Variants in CHMP4A observed in about 807,000 individuals in gnomAD.
CHMP4A encodes the protein SNF7 homolog associated with Alix-2.
In CHMP4A, 29 loss-of-function variants were observed where a neutral mutation model predicts 28.2. The observed-to-expected ratio is 1.03, with a 90% CI of 0.77 to 1.40. CHMP4A has a LOEUF of 1.40. Ranked by LOEUF, CHMP4A falls within the 40% of genes most tolerant of loss-of-function variation. The pLI is 0.00. For missense variants in CHMP4A, 241 were observed against 263.5 expected, an observed-to-expected ratio of 0.91 and a Z score of 0.59; for synonymous variants, 88 against 99.3, an observed-to-expected ratio of 0.89 and a Z score of 0.67.
chr14:24,210,852 C>A (rs1594469582), intron 3 of CHMP4A, 84 bp from the exon 4 acceptor site: 4 of 960,004 alleles, frequency 4.2e-6, no homozygotes, highest in Non-Finnish European at 6.8e-6. Flanking sequence ...CCCCTCCTGC[C>A]TTGCAGGGTC....
intron 5 of CHMP4A, 124 bp downstream of exon 5, chr14:24,210,224 T>G (rs2039579388): frequency 7.5e-7 from 1 of 1,342,014 alleles, no homozygotes; most frequent in East Asian, 2.3e-5. Flanking sequence ...GTCAACAACC[T>G]GCACAACTGC....
chr14:24,211,004 CA>C (rs2039586670), intron 3 of CHMP4A: 1 of 508,928 alleles, frequency 2.0e-6, no homozygotes, highest in Admixed American at 3.2e-5. Flanking sequence ...GCCAAAATGG[CA>C]AAACTCCATC....
At chr14:24,210,219 C>A (rs2039579359) in intron 5 of CHMP4A, 129 bp downstream of exon 5, 13 of 1,293,824 alleles carry the variant, frequency 1.0e-5, no homozygotes, top group Non-Finnish European at 1.4e-5. Context: ...ATGCAGTCAA[C>A]AACCTGCACA....
chr14:24,209,733 G>GT lies in CHMP4A; in HGVS notation c.*143dup. 1 of 755,764 alleles carries GT rather than the reference G, an allele frequency of 1.3e-6. No individual in the cohort carries two copies. Among genetic ancestry groups the GT allele is most frequent in the Non-Finnish European group, 2.3e-6 (1 of 429,814 alleles). The allele number at this position is 755,764 out of a possible 1,614,324, so 46.8% of individuals were successfully genotyped here. A position where few individuals can be genotyped will look rare whatever the true frequency, so the allele number is the denominator to read the frequency against. On this transcript the variant is annotated 3_prime_UTR_variant, in exon 6 of 6. Coordinates refer to ENST00000347519, the MANE Select transcript of CHMP4A (RefSeq NM_014169.5). ...TCAGAGTTGAGCCAGGGCTGGGAGGGTAAGAGACCCTTTTTTCAGGCAGGG... is the reference window on the plus strand; with the variant it reads ...TCAGAGTTGAGCCAGGGCTGGGAGGGTTAAGAGACCCTTTTTTCAGGCAGGG...
In CHMP4A at chr14:24,210,487, G is replaced by A. The variant is rs372219627; in HGVS notation, c.475-4C>T. On this transcript the variant is annotated splice_region_variant and splice_polypyrimidine_tract_variant and intron_variant, in intron 4 of 5. Transcript: ENST00000347519. ...CTAGCTCCTCCAGCAGTTCATCCTG[G>A]ATAGGGAAGACAAGACCACTTTAGA... The A allele has an allele frequency of 1.5e-5, 24 of 1,613,096 alleles. No homozygotes were observed. The highest frequency in any genetic ancestry group is 2.2e-5 in the East Asian group (1 of 44,870).
chr14:24,210,036 G>C (rs1023516773), intron 5 of CHMP4A, 101 bp from the exon 6 acceptor site: 7 of 1,152,344 alleles, frequency 6.1e-6, no homozygotes, highest in Admixed American at 3.4e-5. Flanking sequence ...GCTGAATTCT[G>C]TCTCCCCAGC....
chr14:24,210,339 C>T lies in CHMP4A; in HGVS notation c.610+9G>A, dbSNP rs1339013730. ...TAAGTCCTCAAGACAACAGAACAACCCTGCATACCTGGCCCTGCCGGCAGA... is the reference window on the plus strand; with the variant it reads ...TAAGTCCTCAAGACAACAGAACAACTCTGCATACCTGGCCCTGCCGGCAGA... On this transcript the variant is annotated intron_variant, in intron 5 of 5. Coordinates refer to ENST00000347519, the MANE Select transcript of CHMP4A (RefSeq NM_014169.5). The T allele has an allele frequency of 3.1e-6, 5 of 1,613,286 alleles. No individual in the cohort carries two copies. In the South Asian group the frequency reaches 4.4e-5, roughly 14 times the overall value.
chr14:24,211,712 G>C lies in CHMP4A; in HGVS notation c.149C>G (p.Thr50Arg). 1 of 1,614,186 alleles carries C rather than the reference G, an allele frequency of 6.2e-7. No individual in the cohort carries two copies. Among genetic ancestry groups the C allele is most frequent in the Non-Finnish European group, 8.5e-7 (1 of 1,180,034 alleles). Residue 50 changes from threonine (T) to arginine (R), a missense_variant, in exon 2 of 6, where the codon ACA (threonine) becomes AGA (arginine). Transcript: ENST00000347519. Reference protein sequence around the residue: ...LEQKIQQELQTAKKYGTKNKR... With the variant: ...LEQKIQQELQRAKKYGTKNKR... ...ATTCTTGGTCCCATACTTCTTGGCT[G>C]TTTGTAGCTCCTGTTGAATCTTCTG...
At chr14:24,211,646 T>C in intron 2 of CHMP4A, 34 bp downstream of exon 2, 2 of 1,612,008 alleles carry the variant, frequency 1.2e-6, no homozygotes, top group Non-Finnish European at 1.7e-6. Context: ...GCTTCCCATC[T>C]GGGCCCTCCC....
chr14:24,211,113 G>T, intron 3 of CHMP4A: 1 of 398,280 alleles, frequency 2.5e-6, no homozygotes, highest in Non-Finnish European at 4.6e-6. Flanking sequence ...GAACCCAGGA[G>T]GCGGAGGTTG....
Position 24,211,563 on chromosome 14 carries a change from T to G in CHMP4A, c.211A>C (p.Arg71=), listed in dbSNP as rs1371115501. 12 of 1,613,418 alleles carry G rather than the reference T, an allele frequency of 7.4e-6. No individual in the cohort carries two copies. Among genetic ancestry groups the G allele is most frequent in the Non-Finnish European group, 1.0e-5 (12 of 1,179,358 alleles). ...GTTTGTGCCAGCTGCTGTTCGAATC[T>G]TTTCTTCCTCCGCAAAGCCTGTAGG... ...AALQALRRKK[R]FEQQLAQTDG... The change falls in exon 3 of 6, where the codon AGA becomes CGA. Residue 71 remains arginine (R), a synonymous_variant. Coordinates refer to ENST00000347519, the MANE Select transcript of CHMP4A (RefSeq NM_014169.5).
intron 1 of CHMP4A, 128 bp from the exon 2 acceptor site, chr14:24,211,957 G>C: frequency 2.7e-6 from 2 of 749,324 alleles, no homozygotes; most frequent in Non-Finnish European, 4.1e-6. Flanking sequence ...TACAATGAAC[G>C]TGCTATCTCT....
rs1385850532 is a variant in CHMP4A at position 24,211,529 on chromosome 14, G to A, written c.245C>T (p.Thr82Ile). 1 of 1,614,080 alleles carries A rather than the reference G, an allele frequency of 6.2e-7. No individual in the cohort carries two copies. The highest frequency in any genetic ancestry group is 1.7e-5 in the Admixed American group (1 of 60,022). Residue 82 changes from threonine to isoleucine, a missense_variant, in exon 3 of 6, where the codon ACA becomes ATA. Physicochemically the swap from Thr to Ile is moderately conservative, Grantham distance 89 (BLOSUM62 -1). Coordinates refer to ENST00000347519, the MANE Select transcript of CHMP4A (RefSeq NM_014169.5). ...ACGCTGAAACTCCAGGGTGGATAAT[G>A]TCCCGTCAGTTTGTGCCAGCTGCTG... ...FEQQLAQTDG[T>I]LSTLEFQREA... is the part of the protein sequence containing the mutation.
intron 5 of CHMP4A, 99 bp from the exon 6 acceptor site, chr14:24,210,034 C>A (rs2039577020): frequency 1.7e-6 from 2 of 1,164,046 alleles, no homozygotes; most frequent in South Asian, 1.2e-5. Flanking sequence ...CTGCTGAATT[C>A]TGTCTCCCCA....
chr14:24,211,117 G>A (rs1044376005), intron 3 of CHMP4A: 1 of 401,584 alleles, frequency 2.5e-6, no homozygotes, highest in African/African-American at 2.0e-5. Flanking sequence ...CCAGGAGGCG[G>A]AGGTTGCAGT....
At chr14:24,213,105 A>G in intron 1 of CHMP4A, 1 of 417,864 alleles carries the variant, frequency 2.4e-6, no homozygotes, top group Non-Finnish European at 4.3e-6. Flanking sequence ...CTCGTCTTCA[A>G]GCCTGAACAG....
Position 24,209,680 on chromosome 14 carries a change from A to G in CHMP4A, c.*197T>C, listed in dbSNP as rs1031749773. 3.3e-6 allele frequency: 2 copies of G among 609,900 alleles called. No homozygotes were observed. The highest frequency in any genetic ancestry group is 5.9e-6 in the Non-Finnish European group (2 of 339,182). 37.8% of individuals were successfully genotyped at this position (609,900 alleles called of 1,614,324 possible). On this transcript the variant is annotated 3_prime_UTR_variant, in exon 6 of 6. Coordinates refer to ENST00000347519, the MANE Select transcript of CHMP4A (RefSeq NM_014169.5). ...CTGCTATCAAAGAGAAGGGAGCCCAAGGGCTCCTTCTGTAGCAAGATCCTT... is the reference window on the plus strand; with the variant it reads ...CTGCTATCAAAGAGAAGGGAGCCCAGGGGCTCCTTCTGTAGCAAGATCCTT...
At chr14:24,211,890 T>C (rs1438220728) in intron 1 of CHMP4A, 61 bp from the exon 2 acceptor site, 74 of 1,474,354 alleles carry the variant, frequency 5.0e-5, no homozygotes, top group South Asian at 4.4e-4. Flanking sequence ...CCACCAATCA[T>C]TGAATACATA....
At chr14:24,213,359 C>T (rs774361010) in intron 1 of CHMP4A, 50 bp downstream of exon 1, 2 of 1,516,822 alleles carry the variant, frequency 1.3e-6, no homozygotes, top group East Asian at 2.5e-5. Context: ...GTCTCCTCTT[C>T]CCCTGCACCA....
Sources: allele counts gnomAD v4.1 joint callset, GRCh38; gene constraint gnomAD v4.1.1; transcripts MANE v1.5; gene names NCBI Gene and HGNC (gene_info 2026-07-23, HGNC 2026-07-21).